TNFAIP8: variants seen among roughly 807,000 people sequenced by gnomAD.
TNFAIP8 encodes TNF alpha induced protein 8.
TNFAIP8 carries 7 observed loss-of-function variants against 13.3 expected under a neutral mutation model. The ratio of observed to expected loss-of-function variants is 0.52; its 90% CI spans 0.30 to 0.99. The LOEUF is 0.99. Among genes scored for constraint, TNFAIP8 ranks in the 50% least tolerant of loss-of-function variants. TNFAIP8 has a pLI of 0.07. For missense variants in TNFAIP8, 258 were observed against 236.9 expected (o/e 1.09, Z -0.58); for synonymous variants, 94 against 87.6 (o/e 1.07, Z -0.41).
chr5:119,314,056 C>T (rs931339112), intron 1 of TNFAIP8, among the ~76,000 whole-genome samples: 2 of 152,180 alleles, frequency 1.3e-5, no homozygotes, highest in Non-Finnish European at 2.9e-5. Flanking sequence ...TGACCTGTGT[C>T]ATGACACATG....
chr5:119,351,788 C>CTTTTTTTTTTTTTTTTTTTT (rs1177061965), upstream of TNFAIP8, among the ~76,000 whole-genome samples: 9 of 138,230 alleles, frequency 6.5e-5, no homozygotes, highest in Admixed American at 1.4e-4. Context: ...TTTTCTTTTT[C>CTTTTTTTTTTTTTTTTTTTT]TTTTTTTCTT....
intron 1 of TNFAIP8, among the ~76,000 whole-genome samples, chr5:119,386,527 G>GTTTTGTTTT (rs1752679584): frequency 6.6e-6 from 1 of 152,094 alleles, no homozygotes; most frequent in Non-Finnish European, 1.5e-5. Flanking sequence ...GTTTTGTTTT[G>GTTTTGTTTT]TTTTGTTTTG....
chr5:119,355,779 T>A, upstream of TNFAIP8: 7 of 339,830 alleles, frequency 2.1e-5, no homozygotes, highest in Non-Finnish European at 2.7e-5. Flanking sequence ...CGTCTGGGCC[T>A]GTGCCCCACC....
chr5:119,379,961 T>A (rs1752425426), intron 1 of TNFAIP8, among the ~76,000 whole-genome samples: 1 of 152,208 alleles, frequency 6.6e-6, no homozygotes, highest in East Asian at 1.9e-4. Flanking sequence ...AGAAGTGGGA[T>A]TCTGCAGCTG....
chr5:119,332,476 G>C (rs918803427), intron 1 of TNFAIP8, among the ~76,000 whole-genome samples: 1 of 152,098 alleles, frequency 6.6e-6, no homozygotes, highest in African/African-American at 2.4e-5. Context: ...CTAGGTGCTT[G>C]GTAGTTTCAA....
chr5:119,270,799 A>G (rs1383985334), intron 1 of TNFAIP8, among the ~76,000 whole-genome samples: 1 of 152,226 alleles, frequency 6.6e-6, no homozygotes, highest in African/African-American at 2.4e-5. Context: ...TTTATAAACC[A>G]TTATATTAAT....
At chr5:119,357,503 C>T (rs541493862) in intron 1 of TNFAIP8, among the ~76,000 whole-genome samples, 1 of 152,240 alleles carries the variant, frequency 6.6e-6, no homozygotes, top group African/African-American at 2.4e-5. Flanking sequence ...GGCGTTTTCT[C>T]TCAGGTGTGT....
At chr5:119,313,963 T>C (rs2112676096) in intron 1 of TNFAIP8, among the ~76,000 whole-genome samples, 1 of 152,310 alleles carries the variant, frequency 6.6e-6, no homozygotes, top group Middle Eastern at 3.4e-3. Flanking sequence ...ACAAACAAAA[T>C]TAAGTTAGTT....
At chr5:119,326,731 T>C (rs1411773319) in intron 1 of TNFAIP8, among the ~76,000 whole-genome samples, 1 of 150,902 alleles carries the variant, frequency 6.6e-6, no homozygotes, top group East Asian at 1.9e-4. Context: ...CTGAAGGAGG[T>C]TGGGGTGATG....
chr5:119,277,456 G>C (rs553021022), intron 1 of TNFAIP8, among the ~76,000 whole-genome samples: 2 of 151,750 alleles, frequency 1.3e-5, no homozygotes, highest in Non-Finnish European at 2.9e-5. Flanking sequence ...TATAGCTCAC[G>C]TCTACTGGCC....
intron 1 of TNFAIP8, among the ~76,000 whole-genome samples, chr5:119,283,763 G>C (rs1179057425): frequency 6.6e-6 from 1 of 152,134 alleles, no homozygotes; most frequent in African/African-American, 2.4e-5. Context: ...CTGCCCTAGT[G>C]AATTTCTTCC....
intron 1 of TNFAIP8, among the ~76,000 whole-genome samples, chr5:119,320,993 G>A (rs1163343268): frequency 2.0e-5 from 3 of 152,208 alleles, no homozygotes; most frequent in African/African-American, 7.2e-5. Flanking sequence ...GAGGTGGGCG[G>A]ATCACAAGGT....
At chr5:119,362,785 C>T (rs1751683831) in intron 1 of TNFAIP8, among the ~76,000 whole-genome samples, 1 of 147,996 alleles carries the variant, frequency 6.8e-6, no homozygotes, top group Non-Finnish European at 1.5e-5. Flanking sequence ...GAGCAAGATT[C>T]TGTCTCAAAA....
chr5:119,311,725 A>G (rs533805231), intron 1 of TNFAIP8, among the ~76,000 whole-genome samples: 24 of 149,136 alleles, frequency 1.6e-4, no homozygotes, highest in African/African-American at 4.9e-4. Context: ...GAATGAACTC[A>G]TATCAATGGA....
At position 119,398,656 on chromosome 5, in the gene TNFAIP8, G is replaced by T. The variant is rs1216457239; in HGVS notation, c.*5275G>T. 10 of 151,824 alleles carry T rather than the reference G, an allele frequency of 6.6e-5. No individual in the cohort carries two copies. The highest frequency in any genetic ancestry group is 2.4e-4 in the African/African-American group (10 of 41,324). 9.4% of individuals were successfully genotyped at this position (151,824 alleles called of 1,614,324 possible). The stretch of plus-strand genomic sequence containing the variant: ...GATTACACCACTGCACTCCAGCCTG[G>T]GCAACAAGAGTGAGACTTTGTCTCA... On this transcript the variant is annotated 3_prime_UTR_variant, in exon 2 of 2. Coordinates refer to ENST00000504771, the MANE Select transcript of TNFAIP8 (RefSeq NM_014350.4).
chr5:119,284,682 A>T (rs555850291), intron 1 of TNFAIP8, among the ~76,000 whole-genome samples: 1 of 139,528 alleles, frequency 7.2e-6, no homozygotes, highest in East Asian at 2.2e-4. Flanking sequence ...CTCCATCTAG[A>T]AAAAAAAAAA....
intron 1 of TNFAIP8, among the ~76,000 whole-genome samples, chr5:119,270,334 GA>G (rs1394140228): frequency 6.6e-6 from 1 of 152,216 alleles, no homozygotes; most frequent in African/African-American, 2.4e-5. Flanking sequence ...TCTCTTTAAG[GA>G]AAGAAATAAT....
At chr5:119,343,111 A>G (rs909297847) in intron 1 of TNFAIP8, among the ~76,000 whole-genome samples, 1 of 152,202 alleles carries the variant, frequency 6.6e-6, no homozygotes, top group African/African-American at 2.4e-5. Flanking sequence ...CATCTTATTA[A>G]TAGTTCCTAA....
intron 1 of TNFAIP8, among the ~76,000 whole-genome samples, chr5:119,370,902 T>A (rs1008390650): frequency 6.6e-6 from 1 of 152,352 alleles, no homozygotes; most frequent in Non-Finnish European, 1.5e-5. Context: ...ATCTTTTCCT[T>A]TGGGAACCTG....
Sources: gnomAD v4.1 joint callset for allele counts (sites outside exome capture counted in the v4.1 genomes callset) on GRCh38, gnomAD v4.1.1 for gene constraint, MANE v1.5 for transcripts, NCBI Gene and HGNC (gene_info 2026-07-23, HGNC 2026-07-21) for gene names.